FBXW7: variants seen among roughly 807,000 people sequenced by gnomAD.
FBXW7 encodes the protein F-box and WD repeat domain containing 7.
A neutral mutation model predicts 86.3 loss-of-function variants in FBXW7; 11 were observed. The observed-to-expected ratio is 0.13, with a 90% confidence interval of 0.08 to 0.21. FBXW7 has a LOEUF of 0.21. Among genes scored for constraint, FBXW7 ranks in the 10% least tolerant of loss-of-function variants. The probability of loss-of-function intolerance (pLI) is 1.00; values close to 1 mark genes in which losing one functional copy is unlikely to be tolerated. For synonymous variants in FBXW7, 313 were observed against 297.9 expected, an observed-to-expected ratio of 1.05 and a Z score of -0.52; for missense variants, 488 against 847.4, an observed-to-expected ratio of 0.58 and a Z score of 5.27.
intron 2 of FBXW7, chr4:152,530,708 G>A (rs1172599327): frequency 6.6e-6 from 1 of 152,210 alleles, no homozygotes; most frequent in East Asian, 1.9e-4. Flanking sequence ...GCCAGTCCTG[G>A]CTTTGTAGTG....
At chr4:152,497,477 A>C (rs1371047188) in intron 2 of FBXW7, among the ~76,000 whole-genome samples, 1 of 152,114 alleles carries the variant, frequency 6.6e-6, no homozygotes, top group African/African-American at 2.4e-5. Context: ...ATAGGAAAAA[A>C]ATCAGCAAAG....
intron 4 of FBXW7, among the ~76,000 whole-genome samples, chr4:152,402,359 G>C (rs887815144): frequency 9.2e-5 from 14 of 152,100 alleles, no homozygotes; most frequent in African/African-American, 3.4e-4. Context: ...AAGGGCTTAA[G>C]AGAGAGGGAG....
chr4:152,466,310 C>T (rs569701997), intron 2 of FBXW7, among the ~76,000 whole-genome samples: 91 of 152,318 alleles, frequency 6.0e-4, no homozygotes, highest in Middle Eastern at 3.4e-3. Context: ...AATCCCAGCA[C>T]TTTGGGAGGC....
At chr4:152,366,308 G>A (rs1733473582) in intron 4 of FBXW7, among the ~76,000 whole-genome samples, 1 of 152,104 alleles carries the variant, frequency 6.6e-6, no homozygotes, top group East Asian at 1.9e-4. Context: ...CAACTTCACA[G>A]TTTAGGACTT....
intron 4 of FBXW7, among the ~76,000 whole-genome samples, chr4:152,354,716 T>C (rs751670714): frequency 1.3e-5 from 2 of 152,146 alleles, no homozygotes; most frequent in Admixed American, 6.5e-5. Flanking sequence ...CATGGTTATA[T>C]GGCTCCTACT....
intron 6 of FBXW7, among the ~76,000 whole-genome samples, chr4:152,338,300 T>C (rs1447768102): frequency 6.6e-6 from 1 of 152,042 alleles, no homozygotes; most frequent in Admixed American, 6.6e-5. Flanking sequence ...ATTTTGACAA[T>C]TTCTCTACAT....
intron 4 of FBXW7, among the ~76,000 whole-genome samples, chr4:152,375,238 T>C (rs1342578183): frequency 1.3e-5 from 2 of 152,082 alleles, no homozygotes; most frequent in Non-Finnish European, 2.9e-5. Context: ...AGATTATTAA[T>C]AGCTATATAC....
intron 2 of FBXW7, among the ~76,000 whole-genome samples, chr4:152,491,914 G>A (rs1745895228): frequency 6.6e-6 from 1 of 151,990 alleles, no homozygotes; most frequent in Non-Finnish European, 1.5e-5. Flanking sequence ...TAAGATACAT[G>A]TATGCCATTG....
At chr4:152,515,172 TAAAG>T (rs981601611) in intron 2 of FBXW7, among the ~76,000 whole-genome samples, 71 of 152,220 alleles carry the variant, frequency 4.7e-4, no homozygotes, top group African/African-American at 1.7e-3. Flanking sequence ...TAATGCCTAA[TAAAG>T]AAACTAGGAT....
intron 2 of FBXW7, among the ~76,000 whole-genome samples, chr4:152,454,820 A>G (rs1002235516): frequency 1.3e-5 from 2 of 152,156 alleles, no homozygotes; most frequent in Non-Finnish European, 2.9e-5. Flanking sequence ...AGTTGTATCC[A>G]CTAATAAATA....
chr4:152,516,458 C>T (rs1337261571), intron 2 of FBXW7, among the ~76,000 whole-genome samples: 1 of 152,184 alleles, frequency 6.6e-6, no homozygotes, highest in African/African-American at 2.4e-5. Flanking sequence ...CCTCTCCTTC[C>T]CCGCATCCAC....
intron 4 of FBXW7, among the ~76,000 whole-genome samples, chr4:152,388,359 T>C (rs902128606): frequency 1.3e-5 from 2 of 152,160 alleles, no homozygotes; most frequent in African/African-American, 2.4e-5. Flanking sequence ...TGTGACCTGA[T>C]AATTGGACAT....
chr4:152,359,392 C>A (rs113907074), intron 4 of FBXW7, among the ~76,000 whole-genome samples: 5 of 151,856 alleles, frequency 3.3e-5, no homozygotes, highest in Non-Finnish European at 7.4e-5. Context: ...TTTGAGGCTA[C>A]GAGTTCAAGA....
rs547145494 is a variant in FBXW7 at position 152,334,324 on chromosome 4, A to G, written c.862-1605T>C. ...AGTCTCAATATTGTACTTAACAGAT[A>G]CTCCAAAAGCTACTTAATTTGGGAA... On this transcript the variant is annotated intron_variant, in intron 7 of 13. Coordinates refer to ENST00000281708, the MANE Select transcript of FBXW7 (RefSeq NM_001349798.2). Among the ~76,000 whole-genome samples the G allele has an allele frequency of 3.3e-5, 5 of 152,228 alleles. No homozygotes were observed. In the East Asian group the frequency reaches 9.7e-4, roughly 29 times the overall value.
At chr4:152,383,826 T>A (rs1206824099) in intron 4 of FBXW7, among the ~76,000 whole-genome samples, 4 of 152,142 alleles carry the variant, frequency 2.6e-5, no homozygotes, top group Admixed American at 2.6e-4. Flanking sequence ...TATACCACAA[T>A]TTAAAATGTA....
At chr4:152,395,221 T>G (rs1339922325) in intron 4 of FBXW7, among the ~76,000 whole-genome samples, 4 of 152,062 alleles carry the variant, frequency 2.6e-5, no homozygotes, top group African/African-American at 4.8e-5. Context: ...TGGAGTTTAG[T>G]TAAGTAGCTC....
chr4:152,411,888 G>C lies in FBXW7; in HGVS notation c.-69-16C>G. The C allele has an allele frequency of 1.4e-6, 2 of 1,453,336 alleles. No individual in the cohort carries two copies. The highest frequency in any genetic ancestry group is 9.1e-7 in the Non-Finnish European group (1 of 1,103,658). The allele number at this position is 1,453,336 out of a possible 1,614,324, so 90.0% of individuals were successfully genotyped here. ...TTTTCACATTCTGCAGGGGAAAATA[G>C]GGTAAAAAACAAGATTTGTACAATC... On this transcript the variant is annotated splice_polypyrimidine_tract_variant and intron_variant, in intron 3 of 13. Transcript: ENST00000281708.
At chr4:152,473,298 A>C (rs945611497) in intron 2 of FBXW7, among the ~76,000 whole-genome samples, 1 of 152,222 alleles carries the variant, frequency 6.6e-6, no homozygotes, top group Non-Finnish European at 1.5e-5. Context: ...ACTCAAGTTA[A>C]ATTTACAAAT....
Position 152,326,116 on chromosome 4 carries a change from T to G in FBXW7, c.1534A>C (p.Arg512=). The G allele has an allele frequency of 6.2e-7, 1 of 1,613,408 alleles. No homozygotes were observed. Among genetic ancestry groups the G allele is most frequent in the Non-Finnish European group, 8.5e-7 (1 of 1,179,588 alleles). Residue 512 remains arginine, a synonymous_variant, in exon 12 of 14, where the codon AGG becomes CGG. Coordinates refer to ENST00000281708, the MANE Select transcript of FBXW7 (RefSeq NM_001349798.2). ...AAVRCVQYDG[R]RVVSGAYDFM... ...TCATATGCTCCACTAACAACCCTCCTGCCATCATATTGAACACAGCGGACT... is the reference window on the plus strand; with the variant it reads ...TCATATGCTCCACTAACAACCCTCCGGCCATCATATTGAACACAGCGGACT...
Sources: allele counts gnomAD v4.1 joint callset (sites outside exome capture counted in the v4.1 genomes callset), GRCh38; gene constraint gnomAD v4.1.1; transcripts MANE v1.5; gene names NCBI Gene and HGNC (gene_info 2026-07-23, HGNC 2026-07-21).